Variants in ZDHHC15 observed in about 807,000 individuals in gnomAD.
The protein encoded by ZDHHC15 is zDHHC palmitoyltransferase 15.
In ZDHHC15, 19 loss-of-function variants were observed where a neutral mutation model predicts 31.7. That is an observed-to-expected ratio of 0.60 (90% CI 0.42 to 0.88). The LOEUF (loss-of-function observed/expected upper bound fraction) is 0.88, where lower values mean the gene tolerates loss of function less well. Among genes scored for constraint, ZDHHC15 ranks in the 40% least tolerant of loss-of-function variants. ZDHHC15 has a pLI of 0.00. For synonymous variants in ZDHHC15, 103 were observed against 90.0 expected (o/e 1.14, Z -0.82); for missense variants, 209 against 251.2 (o/e 0.83, Z 1.14).
Position 75,444,687 on chromosome X carries a change from T to TACACAC in ZDHHC15, c.379+6109_379+6114dup, listed in dbSNP as rs1172357698. Among the ~76,000 whole-genome samples the TACACAC allele has an allele frequency of 5.1e-3, 151 of 29,467 alleles. 10 individuals carry two copies. The highest frequency in any genetic ancestry group is 0.014 in the African/African-American group (91 of 6,388). The allele number at this position is 29,467 out of a possible 115,157, so 25.6% of individuals were successfully genotyped here. On this transcript the variant is annotated intron_variant, in intron 4 of 11. Coordinates refer to ENST00000373367, the MANE Select transcript of ZDHHC15 (RefSeq NM_144969.3). ...ATATATATATATATATATATATATA[T>TACACAC]ACACACACACACACACACACACACA...
chrX:75,385,783 C>G (rs948974420), intron 10 of ZDHHC15, among the ~76,000 whole-genome samples: 1 of 111,642 alleles, frequency 9.0e-6, no homozygotes, highest in African/African-American at 3.3e-5. Context: ...TTCTACTTAT[C>G]TAAAGCCTTT....
At chrX:75,458,242 T>A in intron 3 of ZDHHC15, among the ~76,000 whole-genome samples, 1 of 111,790 alleles carries the variant, frequency 8.9e-6, no homozygotes, top group Non-Finnish European at 1.9e-5. Context: ...GGATTCCTTT[T>A]TTATGGACTT....
intron 2 of ZDHHC15, among the ~76,000 whole-genome samples, chrX:75,505,461 T>C (rs772994479): frequency 9.0e-6 from 1 of 110,723 alleles, no homozygotes; most frequent in African/African-American, 3.3e-5. Flanking sequence ...AAGTCTCTTC[T>C]GGGGCCTTTA....
intron 10 of ZDHHC15, among the ~76,000 whole-genome samples, chrX:75,397,075 C>T (rs187851854): frequency 1.9e-4 from 21 of 110,747 alleles, no homozygotes; most frequent in African/African-American, 6.6e-4. Context: ...ATCTGCAATC[C>T]CAGCATTTTG....
chrX:75,456,190 C>T (rs1473993131), intron 3 of ZDHHC15, among the ~76,000 whole-genome samples: 1 of 111,360 alleles, frequency 9.0e-6, no homozygotes, highest in African/African-American at 3.3e-5. Flanking sequence ...AGGATGAGTT[C>T]ATGTCCTTTG....
intron 4 of ZDHHC15, among the ~76,000 whole-genome samples, chrX:75,443,442 C>T (rs912565455): frequency 9.0e-6 from 1 of 111,685 alleles, no homozygotes; most frequent in Non-Finnish European, 1.9e-5. Flanking sequence ...TGGATCCCTT[C>T]CTTACAACTT....
intron 2 of ZDHHC15, chrX:75,501,661 C>T (rs1431843655): frequency 1.8e-5 from 2 of 111,087 alleles, no homozygotes; most frequent in Non-Finnish European, 1.9e-5. Context: ...GAGATGGTAT[C>T]TCATTGTGGT....
chrX:75,379,139 A>G lies in ZDHHC15; in HGVS notation c.*13T>C. 8.3e-7 allele frequency: 1 copy of G among 1,210,760 alleles called. No individual in the cohort carries two copies. Among genetic ancestry groups the G allele is most frequent in the Non-Finnish European group, 1.1e-6 (1 of 894,599 alleles). On this transcript the variant is annotated 3_prime_UTR_variant, in exon 11 of 12. Coordinates refer to ENST00000373367, the MANE Select transcript of ZDHHC15 (RefSeq NM_144969.3). ...ACTGACCTGTCTGAGAGATGCAGGA[A>G]ATGTGAAAACTGCTATGTTTCCGTT...
At chrX:75,387,225 G>T (rs2083189253) in intron 10 of ZDHHC15, among the ~76,000 whole-genome samples, 1 of 112,072 alleles carries the variant, frequency 8.9e-6, no homozygotes, top group South Asian at 3.7e-4. Context: ...AGACAGAGAA[G>T]ACTGGAATAA....
At chrX:75,404,705 A>G (rs1014920688) in intron 10 of ZDHHC15, among the ~76,000 whole-genome samples, 2 of 112,103 alleles carry the variant, frequency 1.8e-5, no homozygotes, top group African/African-American at 6.5e-5. Flanking sequence ...CAGAATGGGT[A>G]TTATAATAAA....
chrX:75,387,978 G>C (rs878976794), intron 10 of ZDHHC15, among the ~76,000 whole-genome samples: 1 of 111,982 alleles, frequency 8.9e-6, no homozygotes, highest in Admixed American at 9.5e-5. Flanking sequence ...CAATTTATTT[G>C]GCAACAGACT....
At chrX:75,498,931 A>T (rs753361616) in intron 2 of ZDHHC15, among the ~76,000 whole-genome samples, 1 of 112,028 alleles carries the variant, frequency 8.9e-6, no homozygotes, top group Non-Finnish European at 1.9e-5. Context: ...TTGTATAAAA[A>T]CAGGCACACA....
intron 10 of ZDHHC15, among the ~76,000 whole-genome samples, chrX:75,401,309 T>G (rs147826174): frequency 0.018 from 1,932 of 109,387 alleles, 36 homozygotes; most frequent in Admixed American, 0.073. Flanking sequence ...CACTGACCAG[T>G]GTCACTGCAA....
chrX:75,396,796 T>C (rs961920476), intron 10 of ZDHHC15, among the ~76,000 whole-genome samples: 3 of 111,324 alleles, frequency 2.7e-5, no homozygotes, highest in African/African-American at 9.8e-5. Context: ...AATGGAGTAC[T>C]ATTGAGCCAT....
At position 75,490,516 on chromosome X, in the gene ZDHHC15, A is replaced by C. The variant is rs751225409; in HGVS notation, c.164-11531T>G. Among the ~76,000 whole-genome samples, 6 of 111,614 alleles carry C rather than the reference A, an allele frequency of 5.4e-5. 1 individual carries two copies. The South Asian group carries it at 2.3e-3, about 42-fold the overall frequency. ...TATGAACTTTAAAGTAGTTTTTTCC[A>C]ATTCTGTGAAGAAAGTCATTGGTAG... is the stretch of plus-strand genomic sequence containing the variant. On this transcript the variant is annotated intron_variant, in intron 2 of 11. Transcript: ENST00000373367.
chrX:75,456,490 C>T (rs1220883299), intron 3 of ZDHHC15, among the ~76,000 whole-genome samples: 1 of 110,477 alleles, frequency 9.1e-6, no homozygotes, highest in Non-Finnish European at 1.9e-5. Context: ...TACCCTAGAA[C>T]TTAAAGTATA....
intron 1 of ZDHHC15, among the ~76,000 whole-genome samples, chrX:75,516,356 C>A (rs1480236758): frequency 2.7e-5 from 3 of 111,941 alleles, no homozygotes; most frequent in Non-Finnish European, 3.8e-5. Context: ...CTACAGTAAC[C>A]AAAACAGTAT....
chrX:75,415,708 T>C (rs766756626), intron 10 of ZDHHC15, among the ~76,000 whole-genome samples: 3 of 112,499 alleles, frequency 2.7e-5, no homozygotes, highest in Admixed American at 9.4e-5. Flanking sequence ...AGAAAAAATA[T>C]AGGAAAGCAC....
intron 9 of ZDHHC15, among the ~76,000 whole-genome samples, chrX:75,418,506 C>T (rs1172933889): frequency 8.9e-6 from 1 of 112,195 alleles, no homozygotes; most frequent in African/African-American, 3.2e-5. Context: ...TTCTCATCCA[C>T]TACTTTCCCT....
Sources: gnomAD v4.1 joint callset for allele counts (sites outside exome capture counted in the v4.1 genomes callset) on GRCh38, gnomAD v4.1.1 for gene constraint, MANE v1.5 for transcripts, NCBI Gene and HGNC (gene_info 2026-07-23, HGNC 2026-07-21) for gene names.